WDR27: variants seen among roughly 807,000 people sequenced by gnomAD.
The protein encoded by WDR27 is WD repeat domain 27, also known as WD repeat-containing protein 27.
In WDR27, 100 loss-of-function variants were observed where a neutral mutation model predicts 114.4. The ratio of observed to expected loss-of-function variants is 0.87; its 90% CI spans 0.74 to 1.03. The LOEUF (loss-of-function observed/expected upper bound fraction) is 1.03, where lower values mean the gene tolerates loss of function less well. Ranked by LOEUF, WDR27 falls within the 50% of genes least tolerant of loss-of-function variation. The pLI, the probability that WDR27 is intolerant of heterozygous loss-of-function variation, is 0.00. For missense variants in WDR27, 1,129 were observed against 1,092.9 expected (o/e 1.03, Z -0.47); for synonymous variants, 449 against 423.1 (o/e 1.06, Z -0.75).
In WDR27 at chr6:169,662,391, C is replaced by G. The variant is rs1826421357; in HGVS notation, c.938G>C (p.Gly313Ala). 6.2e-7 allele frequency: 1 copy of G among 1,614,010 alleles called. No homozygotes were observed. The highest frequency in any genetic ancestry group is 8.5e-7 in the Non-Finnish European group (1 of 1,179,876). The change falls in exon 9 of 26, where the codon GGA becomes GCA. Residue 313 changes from glycine to alanine, a missense_variant. Physicochemically the swap from Gly to Ala is moderately conservative, Grantham distance 60. Coordinates refer to ENST00000448612, the MANE Select transcript of WDR27 (RefSeq NM_182552.5). ...TGTTACTTCAACCTGCTCTCCTTTT[C>G]CCAGAGCACTTGTAGAGGGAAGCTG... The part of the protein sequence containing the change: ...ESQLPSTSAL[G>A]KGEQVEVTFP...
chr6:169,464,215 C>A (rs976936508), intron 25 of WDR27, among the ~76,000 whole-genome samples: 6 of 152,234 alleles, frequency 3.9e-5, no homozygotes, highest in African/African-American at 1.4e-4. Context: ...ATAGAAGGCC[C>A]AAAGGTAAAC....
chr6:169,591,766 T>C (rs1805789895), intron 23 of WDR27, among the ~76,000 whole-genome samples: 1 of 152,148 alleles, frequency 6.6e-6, no homozygotes, highest in Admixed American at 6.5e-5. Context: ...CAGCAGACAG[T>C]AGTGCATGCC....
intron 25 of WDR27, among the ~76,000 whole-genome samples, chr6:169,568,156 TCACTCAGGAACCA>T (rs67478141): frequency 0.57 from 86,046 of 151,186 alleles, 26,915 homozygotes; most frequent in Non-Finnish European, 0.69. Context: ...CTGACAGCAA[TCACTCAGGAACCA>T]CACTCAGGAA....
intron 25 of WDR27, among the ~76,000 whole-genome samples, chr6:169,489,615 C>T (rs1028051797): frequency 1.3e-5 from 2 of 152,132 alleles, no homozygotes; most frequent in Non-Finnish European, 1.5e-5. Context: ...TTGCATGCCT[C>T]AGTTTAAGGA....
At chr6:169,610,587 C>T (rs1210587219) in intron 22 of WDR27, among the ~76,000 whole-genome samples, 1 of 152,176 alleles carries the variant, frequency 6.6e-6, no homozygotes, top group Non-Finnish European at 1.5e-5. Context: ...CCTCCCACAA[C>T]ACATGGGAAT....
chr6:169,652,298 G>A (rs972928102), intron 13 of WDR27, among the ~76,000 whole-genome samples: 12 of 152,234 alleles, frequency 7.9e-5, no homozygotes, highest in African/African-American at 2.9e-4. Flanking sequence ...GCTAAGGCTG[G>A]ACTGCAGTGG....
intron 25 of WDR27, among the ~76,000 whole-genome samples, chr6:169,497,556 C>CAAA (rs35202332): frequency 1.4e-5 from 2 of 145,508 alleles, no homozygotes; most frequent in African/African-American, 5.2e-5. Context: ...CCTAAAACTA[C>CAAA]AAAAAAAAAA....
At chr6:169,520,982 T>G (rs913346614) in intron 25 of WDR27, among the ~76,000 whole-genome samples, 3 of 152,066 alleles carry the variant, frequency 2.0e-5, no homozygotes, top group African/African-American at 7.2e-5. Flanking sequence ...CAAAGACATA[T>G]TAACAGAAAA....
chr6:169,455,394 CAT>C (rs1442716656), downstream of WDR27, among the ~76,000 whole-genome samples: 2 of 152,230 alleles, frequency 1.3e-5, no homozygotes, highest in Non-Finnish European at 2.9e-5. Context: ...TCTACATAAA[CAT>C]GTTATTTTTA....
chr6:169,551,581 AAAAAAATTAG>A, intron 25 of WDR27, among the ~76,000 whole-genome samples: 1 of 151,902 alleles, frequency 6.6e-6, no homozygotes, highest in South Asian at 2.1e-4. Flanking sequence ...CTAAAAATAC[AAAAAAATTAG>A]CTGGGCATGG....
At chr6:169,518,657 T>C (rs1793981752) in intron 25 of WDR27, among the ~76,000 whole-genome samples, 1 of 152,232 alleles carries the variant, frequency 6.6e-6, no homozygotes, top group Non-Finnish European at 1.5e-5. Context: ...CTCTTAGATC[T>C]CTGAAATGCC....
At chr6:169,448,692 G>A in the WDR27 span, among the ~76,000 whole-genome samples, 3 of 152,290 alleles carry the variant, frequency 2.0e-5, no homozygotes, top group East Asian at 1.9e-4. Context: ...CGACCTGCAC[G>A]TGGCCGTGTG....
chr6:169,602,624 C>T (rs1808234995), intron 22 of WDR27, among the ~76,000 whole-genome samples: 1 of 151,946 alleles, frequency 6.6e-6, no homozygotes, highest in Non-Finnish European at 1.5e-5. Flanking sequence ...TCAAAACAAA[C>T]TTAACAAATC....
intron 25 of WDR27, among the ~76,000 whole-genome samples, chr6:169,514,410 T>C (rs1458950636): frequency 1.3e-5 from 2 of 149,858 alleles, no homozygotes; most frequent in Non-Finnish European, 3.0e-5. Flanking sequence ...AGAAATTTTA[T>C]ACCCAGATGT....
At position 169,624,973 on chromosome 6, in the gene WDR27, G is replaced by A. The variant is rs113892855; in HGVS notation, c.2223+7974C>T. Among the ~76,000 whole-genome samples, 729 of 152,270 alleles carry A rather than the reference G, an allele frequency of 4.8e-3. 3 individuals carry two copies. The highest frequency in any genetic ancestry group is 0.016 in the African/African-American group (655 of 41,560). On this transcript the variant is annotated intron_variant, in intron 21 of 25. Coordinates refer to ENST00000448612, the MANE Select transcript of WDR27 (RefSeq NM_182552.5). The stretch of plus-strand genomic sequence containing the variant: ...GTGGCAGCCCTCACCCTCGGGGCCC[G>A]GCCCATCCACTGAGGGGACCTGCAA...
intron 24 of WDR27, among the ~76,000 whole-genome samples, chr6:169,580,117 T>A (rs1049074701): frequency 3.3e-5 from 5 of 152,244 alleles, no homozygotes; most frequent in African/African-American, 1.2e-4. Flanking sequence ...ACTTCCAATA[T>A]TTGACCACAC....
chr6:169,697,592 C>T (rs576404759), intron 1 of WDR27, among the ~76,000 whole-genome samples: 15 of 152,294 alleles, frequency 9.8e-5, no homozygotes, highest in African/African-American at 3.1e-4. Context: ...AGGTTCCATC[C>T]GGTACACCTG....
Position 169,667,204 on chromosome 6 carries a change from G to A in WDR27, c.661-17C>T. On this transcript the variant is annotated splice_polypyrimidine_tract_variant and intron_variant, in intron 5 of 25. Transcript: ENST00000448612. Reference sequence around the variant, plus strand: ...GTCCCAGACCTTTGGATAAACACAGGATTCTTTAGAAGAGGTAACAACGTT... The same window carrying A: ...GTCCCAGACCTTTGGATAAACACAGAATTCTTTAGAAGAGGTAACAACGTT... The A allele has an allele frequency of 6.7e-7, 1 of 1,502,054 alleles. No individual in the cohort carries two copies. The highest frequency in any genetic ancestry group is 2.6e-5 in the East Asian group (1 of 39,204). The allele number at this position is 1,502,054 out of a possible 1,614,324, so 93.0% of individuals were successfully genotyped here.
chr6:169,665,590 T>C (rs1383851092), intron 6 of WDR27, 34 bp from the exon 7 acceptor site: 2 of 1,603,776 alleles, frequency 1.2e-6, no homozygotes, highest in African/African-American at 1.3e-5. Context: ...TTTAGCTTTG[T>C]AAGTGCCTGG....
Sources: gnomAD v4.1 joint callset for allele counts (sites outside exome capture counted in the v4.1 genomes callset) on GRCh38, gnomAD v4.1.1 for gene constraint, MANE v1.5 for transcripts, NCBI Gene and HGNC (gene_info 2026-07-23, HGNC 2026-07-21) for gene names.